CSMD1: variants seen among roughly 807,000 people sequenced by gnomAD.
CSMD1 encodes the protein CUB and Sushi multiple domains 1.
In CSMD1, 213 loss-of-function variants were observed where a neutral mutation model predicts 417.5. The observed-to-expected ratio is 0.51, with a 90% CI of 0.46 to 0.57. The LOEUF is 0.57. Among genes scored for constraint, CSMD1 ranks in the 20% least tolerant of loss-of-function variants. The pLI, the probability that CSMD1 is intolerant of heterozygous loss-of-function variation, is 0.00. For synonymous variants in CSMD1, 2,862 were observed against 1,736.8 expected (o/e 1.65, Z -16.11); for missense variants, 6,923 against 4,529.7 (o/e 1.53, Z -15.17).
intron 1 of CSMD1, among the ~76,000 whole-genome samples, chr8:4,691,933 C>G (rs1470717345): frequency 6.6e-6 from 1 of 152,220 alleles, no homozygotes; most frequent in Admixed American, 6.5e-5. Flanking sequence ...CTCCCTATAA[C>G]TAGTTTATGG....
intron 7 of CSMD1, among the ~76,000 whole-genome samples, chr8:3,628,301 C>A (rs1280253777): frequency 6.6e-6 from 1 of 152,126 alleles, no homozygotes; most frequent in African/African-American, 2.4e-5. Context: ...GAGGTTGCAG[C>A]CCATGCACAC....
intron 17 of CSMD1, among the ~76,000 whole-genome samples, chr8:3,393,037 T>C (rs1422800259): frequency 2.0e-5 from 3 of 152,208 alleles, no homozygotes; most frequent in East Asian, 1.9e-4. Flanking sequence ...CATTCACTTA[T>C]GTACATTTCC....
intron 26 of CSMD1, among the ~76,000 whole-genome samples, chr8:3,282,039 G>C (rs1802780079): frequency 6.6e-6 from 1 of 152,118 alleles, no homozygotes; most frequent in Non-Finnish European, 1.5e-5. Context: ...TAAGTTTCCT[G>C]AGGCCCTCCC....
At position 3,338,782 on chromosome 8, in the gene CSMD1, G is replaced by A. The variant is rs373133615; in HGVS notation, c.3631+4512C>T. Among the ~76,000 whole-genome samples, 15 of 151,060 alleles carry A rather than the reference G, an allele frequency of 9.9e-5. No homozygotes were observed. In the South Asian group the frequency reaches 3.0e-3, roughly 30 times the overall value. On this transcript the variant is annotated intron_variant, in intron 23 of 69. Coordinates refer to ENST00000635120, the MANE Select transcript of CSMD1 (RefSeq NM_033225.6). ...TATGGAATTGTGGCAGCTCTATCAT[G>A]CAGATCCAGCTGTTCATCTCCAGCC...
intron 7 of CSMD1, among the ~76,000 whole-genome samples, chr8:3,631,746 T>G (rs140023974): frequency 2.0e-5 from 3 of 152,340 alleles, no homozygotes; most frequent in African/African-American, 7.2e-5. Context: ...AGCATTTGAT[T>G]AAATAAAGCG....
At chr8:4,959,899 C>T (rs1042012906) in intron 1 of CSMD1, among the ~76,000 whole-genome samples, 1 of 152,142 alleles carries the variant, frequency 6.6e-6, no homozygotes, top group African/African-American at 2.4e-5. Context: ...AGAATTGCAA[C>T]AACAATCTTC....
intron 3 of CSMD1, among the ~76,000 whole-genome samples, chr8:4,124,864 T>C (rs182589827): frequency 7.2e-5 from 11 of 152,132 alleles, no homozygotes; most frequent in Non-Finnish European, 1.3e-4. Context: ...ACTAACTCTA[T>C]AGGACAGAAA....
rs185762764 is a variant in CSMD1 at position 3,139,269 on chromosome 8, G to A, written c.6241+3196C>T. ...CTTTGAATCCAGGAGTTTGAATCAC[G>A]GAAAGCATAGGATGGAAATATAGGA... On this transcript the variant is annotated intron_variant, in intron 41 of 69. Coordinates refer to ENST00000635120, the MANE Select transcript of CSMD1 (RefSeq NM_033225.6). Among the ~76,000 whole-genome samples, 4 of 152,238 alleles carry A rather than the reference G, an allele frequency of 2.6e-5. No homozygotes were observed. The South Asian group carries it at 6.2e-4, about 24-fold the overall frequency.
chr8:3,839,182 TATA>T (rs943345614), intron 5 of CSMD1, among the ~76,000 whole-genome samples: 2 of 126,846 alleles, frequency 1.6e-5, no homozygotes, highest in Non-Finnish European at 3.1e-5. Context: ...TATATTTATA[TATA>T]ATAAATAAAT....
intron 3 of CSMD1, among the ~76,000 whole-genome samples, chr8:4,285,289 A>C (rs1284368056): frequency 2.0e-5 from 3 of 152,160 alleles, no homozygotes; most frequent in East Asian, 3.9e-4. Flanking sequence ...TTGCTTAAAT[A>C]ATCAAATTAC....
chr8:3,142,728 A>G, intron 40 of CSMD1, 54 bp from the exon 41 acceptor site: 1 of 1,405,186 alleles, frequency 7.1e-7, no homozygotes, highest in Non-Finnish European at 1.0e-6. Flanking sequence ...GTATAAAATC[A>G]ATGCTCATAA....
At chr8:3,925,522 A>C (rs1809591469) in intron 5 of CSMD1, among the ~76,000 whole-genome samples, 1 of 152,200 alleles carries the variant, frequency 6.6e-6, no homozygotes, top group African/African-American at 2.4e-5. Flanking sequence ...GTCCCCACTC[A>C]AAACTTCCAG....
At chr8:3,385,581 C>G (rs1015990723) in intron 18 of CSMD1, among the ~76,000 whole-genome samples, 1 of 152,018 alleles carries the variant, frequency 6.6e-6, no homozygotes, top group Non-Finnish European at 1.5e-5. Context: ...ATATCCTGTT[C>G]TTGACTTTCA....
chr8:4,413,481 G>T lies in CSMD1; in HGVS notation c.415+6472C>A, dbSNP rs117482235. ...TGATTGTCTTAAAGCTGTACTTTCA[G>T]AAGGCAATTATATCTCTGCTATATC... On this transcript the variant is annotated intron_variant, in intron 3 of 69. Transcript: ENST00000635120. Among the ~76,000 whole-genome samples, 451 of 152,282 alleles carry T rather than the reference G, an allele frequency of 3.0e-3. 2 individuals carry two copies. Among genetic ancestry groups the T allele is most frequent in the Middle Eastern group, 6.8e-3 (2 of 294 alleles).
At chr8:4,761,910 T>G (rs4875116) in intron 1 of CSMD1, among the ~76,000 whole-genome samples, 1 of 66,386 alleles carries the variant, frequency 1.5e-5, no homozygotes, top group Non-Finnish European at 3.3e-5. Flanking sequence ...TATCTATCTA[T>G]CAATCTATCT....
chr8:3,453,943 C>A (rs374316738), intron 12 of CSMD1, among the ~76,000 whole-genome samples: 1 of 152,022 alleles, frequency 6.6e-6, no homozygotes, highest in South Asian at 2.1e-4. Flanking sequence ...TTGTGTGGGA[C>A]TCTAAGTCTC....
intron 1 of CSMD1, among the ~76,000 whole-genome samples, chr8:4,882,100 C>T (rs2028231): frequency 0.43 from 65,909 of 151,604 alleles, 14,568 homozygotes; most frequent in South Asian, 0.57. Context: ...CATTTAACCA[C>T]AGTATTTTGT....
At chr8:4,223,196 G>A (rs138724521) in intron 3 of CSMD1, among the ~76,000 whole-genome samples, 44 of 152,034 alleles carry the variant, frequency 2.9e-4, no homozygotes, top group African/African-American at 1.1e-3. Context: ...AGTCACTTCT[G>A]CACCCCGAGA....
At chr8:4,394,103 C>T (rs915028565) in intron 3 of CSMD1, among the ~76,000 whole-genome samples, 4 of 152,114 alleles carry the variant, frequency 2.6e-5, no homozygotes, top group South Asian at 2.1e-4. Context: ...AGAGCACTAA[C>T]GATTAATTTT....
Sources: allele counts gnomAD v4.1 joint callset (sites outside exome capture counted in the v4.1 genomes callset), GRCh38; gene constraint gnomAD v4.1.1; transcripts MANE v1.5; gene names NCBI Gene and HGNC (gene_info 2026-07-23, HGNC 2026-07-21).